Variants in SEMA3A observed in about 807,000 individuals in gnomAD.
The protein encoded by SEMA3A is semaphorin 3A.
Under a neutral mutation model 97.9 loss-of-function variants are expected in SEMA3A, and 29 were observed. The ratio of observed to expected loss-of-function variants is 0.30; its 90% CI spans 0.22 to 0.40. The LOEUF is 0.40. Ranked by LOEUF, SEMA3A falls within the 10% of genes least tolerant of loss-of-function variation. SEMA3A has a pLI of 1.00. For missense variants in SEMA3A, 763 were observed against 951.3 expected, an observed-to-expected ratio of 0.80 and a Z score of 2.60; for synonymous variants, 321 against 323.7, an observed-to-expected ratio of 0.99 and a Z score of 0.09.
chr7:84,196,372 T>C (rs1798231657), upstream of SEMA3A, among the ~76,000 whole-genome samples: 1 of 152,120 alleles, frequency 6.6e-6, no homozygotes, highest in Non-Finnish European at 1.5e-5. Context: ...TCTCTCTCTC[T>C]CTCTCTCTCT....
chr7:84,138,326 A>G (rs1796205585), intron 1 of SEMA3A, among the ~76,000 whole-genome samples: 1 of 152,056 alleles, frequency 6.6e-6, no homozygotes, highest in African/African-American at 2.4e-5. Flanking sequence ...TTTGATTTAC[A>G]CTAATATTAA....
At chr7:84,062,093 T>G (rs972242920) in intron 4 of SEMA3A, among the ~76,000 whole-genome samples, 1 of 152,198 alleles carries the variant, frequency 6.6e-6, no homozygotes, top group African/African-American at 2.4e-5. Flanking sequence ...ATTTAAAACA[T>G]TTTAAAAGCA....
chr7:84,440,680 C>T (rs1469640105), intron 1 of SEMA3A, among the ~76,000 whole-genome samples: 1 of 152,028 alleles, frequency 6.6e-6, no homozygotes, highest in Non-Finnish European at 1.5e-5. Flanking sequence ...TAAGTTTATA[C>T]CTCAGTTTGG....
At chr7:84,322,593 T>C (rs1157462146) in intron 2 of SEMA3A, among the ~76,000 whole-genome samples, 1 of 152,098 alleles carries the variant, frequency 6.6e-6, no homozygotes, top group Non-Finnish European at 1.5e-5. Context: ...CCTGCTGCCA[T>C]GTAAGATGTC....
intron 3 of SEMA3A, among the ~76,000 whole-genome samples, chr7:84,117,506 A>G (rs554210531): frequency 6.6e-6 from 1 of 152,334 alleles, no homozygotes; most frequent in Non-Finnish European, 1.5e-5. Context: ...GGAGGTGAGC[A>G]GCAGGCCGGC....
chr7:84,077,353 A>G (rs1432723157), intron 4 of SEMA3A, among the ~76,000 whole-genome samples: 6 of 151,990 alleles, frequency 3.9e-5, no homozygotes. Flanking sequence ...TAAAGCTATT[A>G]TTTTTTTACC....
chr7:84,067,449 G>GCA (rs1793560923), intron 4 of SEMA3A, among the ~76,000 whole-genome samples: 1 of 151,718 alleles, frequency 6.6e-6, no homozygotes, highest in Non-Finnish European at 1.5e-5. Context: ...AAGAGCTTCT[G>GCA]CACAGCAAAA....
At position 84,110,505 on chromosome 7, in the gene SEMA3A, T is replaced by C. The variant is rs373951712; in HGVS notation, c.418A>G (p.Ile140Val). The C allele has an allele frequency of 1.5e-5, 24 of 1,613,788 alleles. No homozygotes were observed. Among genetic ancestry groups the C allele is most frequent in the South Asian group, 5.5e-5 (5 of 91,080 alleles). Residue 140 changes from isoleucine to valine, a missense_variant, in exon 4 of 17, where the codon ATT becomes GTT. Transcript: ENST00000265362. ...TGTCCAATTTCAATGTAGGTGCAAATTGGATGAAAAGCCCCCGTTCCACAG... is the reference window on the plus strand; with the variant it reads ...TGTCCAATTTCAATGTAGGTGCAAACTGGATGAAAAGCCCCCGTTCCACAG... The part of the protein sequence containing the change: ...YACGTGAFHP[I>V]CTYIEIGHHP...
intron 2 of SEMA3A, among the ~76,000 whole-genome samples, chr7:84,371,086 T>C (rs1802963511): frequency 6.6e-6 from 1 of 151,750 alleles, no homozygotes; most frequent in Non-Finnish European, 1.5e-5. Flanking sequence ...TACATTCATA[T>C]AGGTTAGAAG....
At chr7:84,413,523 G>A (rs191697709) in intron 1 of SEMA3A, among the ~76,000 whole-genome samples, 1 of 152,226 alleles carries the variant, frequency 6.6e-6, no homozygotes, top group Admixed American at 6.5e-5. Context: ...AGCTACTCAG[G>A]GGGCTGAAGT....
chr7:84,318,565 G>A (rs1273867802), intron 2 of SEMA3A, among the ~76,000 whole-genome samples: 2 of 151,928 alleles, frequency 1.3e-5, no homozygotes, highest in African/African-American at 4.8e-5. Context: ...CTCGTGATCT[G>A]CCCGCCTCGG....
intron 7 of SEMA3A, among the ~76,000 whole-genome samples, chr7:84,011,567 C>G (rs1790873709): frequency 6.6e-6 from 1 of 152,046 alleles, no homozygotes; most frequent in Non-Finnish European, 1.5e-5. Context: ...AAAGTCAATT[C>G]ATGTTCATCT....
rs577006043 is a variant in SEMA3A, at chr7:84,069,909, T to A, written c.454-9351A>T. On this transcript the variant is annotated intron_variant, in intron 4 of 16. Coordinates refer to ENST00000265362, the MANE Select transcript of SEMA3A (RefSeq NM_006080.3). ...TTATCATGAACGAACAGTGTTAATA[T>A]AATTGCGTATTAACACCCTATGTTA... is the stretch of plus-strand genomic sequence containing the variant. Among the ~76,000 whole-genome samples the A allele has an allele frequency of 1.6e-4, 25 of 152,268 alleles. No individual in the cohort carries two copies. In the South Asian group the frequency reaches 5.0e-3, roughly 30 times the overall value.
At chr7:83,972,743 C>T (rs967952113) in intron 15 of SEMA3A, among the ~76,000 whole-genome samples, 2 of 152,196 alleles carry the variant, frequency 1.3e-5, no homozygotes, top group East Asian at 3.9e-4. Flanking sequence ...GGTGTATGAA[C>T]AGGTGATCTC....
chr7:84,055,060 T>C (rs1792893752), intron 5 of SEMA3A, among the ~76,000 whole-genome samples: 1 of 151,970 alleles, frequency 6.6e-6, no homozygotes, highest in African/African-American at 2.4e-5. Flanking sequence ...AGTCTGCCCG[T>C]TCTCAGATCT....
intron 1 of SEMA3A, among the ~76,000 whole-genome samples, chr7:84,481,766 T>C (rs1168194789): frequency 6.6e-6 from 1 of 151,950 alleles, no homozygotes; most frequent in Non-Finnish European, 1.5e-5. Flanking sequence ...AATTATTATC[T>C]ATTTAAAGTG....
At chr7:84,447,275 C>T (rs1805438774) in intron 1 of SEMA3A, among the ~76,000 whole-genome samples, 1 of 152,156 alleles carries the variant, frequency 6.6e-6, no homozygotes, top group South Asian at 2.1e-4. Flanking sequence ...ACAAATAGCC[C>T]AGGCTCTGTG....
At chr7:84,054,969 G>A (rs913718576) in intron 5 of SEMA3A, among the ~76,000 whole-genome samples, 2 of 152,114 alleles carry the variant, frequency 1.3e-5, no homozygotes, top group South Asian at 2.1e-4. Flanking sequence ...TGCCATGTGA[G>A]GTGTCAGTCT....
chr7:84,378,905 TTTG>T (rs71078825), intron 1 of SEMA3A, among the ~76,000 whole-genome samples: 16,790 of 145,600 alleles, frequency 0.12, 1,154 homozygotes, highest in East Asian at 0.32. Flanking sequence ...CATATATATT[TTTG>T]TTGTTGTTGT....
Sources: gnomAD v4.1 joint callset for allele counts (sites outside exome capture counted in the v4.1 genomes callset) on GRCh38, gnomAD v4.1.1 for gene constraint, MANE v1.5 for transcripts, NCBI Gene and HGNC (gene_info 2026-07-23, HGNC 2026-07-21) for gene names.